EXOC6: variants seen among roughly 807,000 people sequenced by gnomAD.
The protein encoded by EXOC6 is SEC15-like 1.
EXOC6 carries 60 observed loss-of-function variants against 112.5 expected under a neutral mutation model. The observed-to-expected ratio is 0.53, with a 90% CI of 0.43 to 0.66. The LOEUF is 0.66. EXOC6 is among the 30% of genes least tolerant of loss of function. The pLI is 0.00. For synonymous variants in EXOC6, 295 were observed against 308.0 expected, an observed-to-expected ratio of 0.96 and a Z score of 0.44; for missense variants, 855 against 957.1, an observed-to-expected ratio of 0.89 and a Z score of 1.41.
Position 92,898,861 on chromosome 10 carries a change from A to G in EXOC6, c.413-738A>G, listed in dbSNP as rs565741757. 1.2e-4 allele frequency among the ~76,000 whole-genome samples: 18 copies of G among 152,296 alleles called. No homozygotes were observed. The South Asian group carries it at 3.7e-3, about 32-fold the overall frequency. ...ATCTGGAAAAAAATGTTGTCTGTCC[A>G]TATTGTAGAGGGAAAGCAAAGTGTG... On this transcript the variant is annotated intron_variant, in intron 4 of 21. Coordinates refer to ENST00000260762, the MANE Select transcript of EXOC6 (RefSeq NM_019053.6).
At chr10:92,834,774 T>C (rs760187813) in exon 1 of EXOC6, 8 of 1,610,630 alleles carry the variant, frequency 5.0e-6, no homozygotes, top group Non-Finnish European at 6.8e-6. Flanking sequence ...CCTATGAGAA[T>C]GTCCTGGCTG....
intron 4 of EXOC6, among the ~76,000 whole-genome samples, chr10:92,896,180 TA>T (rs1457872439): frequency 2.1e-3 from 25 of 12,050 alleles, no homozygotes; most frequent in African/African-American, 4.4e-3. Flanking sequence ...TATATATATA[TA>T]TTTTTTTTTT....
intron 1 of EXOC6, among the ~76,000 whole-genome samples, chr10:92,838,577 G>A (rs1846735200): frequency 6.6e-6 from 1 of 152,156 alleles, no homozygotes; most frequent in African/African-American, 2.4e-5. Context: ...AGGTTTATTT[G>A]CATTGCCAAT....
chr10:92,830,057 A>T (rs751021932), upstream of EXOC6, among the ~76,000 whole-genome samples: 4 of 152,218 alleles, frequency 2.6e-5, no homozygotes, highest in Non-Finnish European at 5.9e-5. Context: ...AAGAAGTAAC[A>T]ATAAGTATAA....
chr10:92,989,542 CA>C (rs1352067215), intron 18 of EXOC6, among the ~76,000 whole-genome samples: 1 of 152,150 alleles, frequency 6.6e-6, no homozygotes, highest in Non-Finnish European at 1.5e-5. Flanking sequence ...GTGATCAAAA[CA>C]AAAGACCCTT....
intron 21 of EXOC6, among the ~76,000 whole-genome samples, chr10:93,057,881 A>G (rs1216652364): frequency 6.6e-6 from 1 of 152,142 alleles, no homozygotes; most frequent in East Asian, 1.9e-4. Flanking sequence ...CTTTCACCTT[A>G]TCTTGCTATG....
intron 20 of EXOC6, among the ~76,000 whole-genome samples, chr10:93,038,065 A>AAAAAAT (rs1316311788): frequency 1.6e-4 from 20 of 126,104 alleles, no homozygotes; most frequent in Non-Finnish European, 1.8e-4. Flanking sequence ...AAAAAAAAAA[A>AAAAAAT]ATTTTTCTCT....
At chr10:93,047,676 G>A (rs1298735289) in intron 20 of EXOC6, among the ~76,000 whole-genome samples, 2 of 152,040 alleles carry the variant, frequency 1.3e-5, no homozygotes, top group African/African-American at 2.4e-5. Context: ...GGCCAGGCAC[G>A]GTGGCTCACG....
chr10:92,975,438 G>A (rs898161141), intron 18 of EXOC6, among the ~76,000 whole-genome samples: 3 of 150,394 alleles, frequency 2.0e-5, no homozygotes, highest in Non-Finnish European at 4.4e-5. Flanking sequence ...AGTGAGGAGC[G>A]TCTCCGCCCG....
At chr10:93,013,375 G>A (rs972605376) in intron 19 of EXOC6, among the ~76,000 whole-genome samples, 10 of 152,082 alleles carry the variant, frequency 6.6e-5, no homozygotes, top group Non-Finnish European at 2.9e-5. Flanking sequence ...GGAGGCCGAG[G>A]CAGGTGGATT....
chr10:92,885,258 A>G (rs555954061), intron 1 of EXOC6, among the ~76,000 whole-genome samples: 11 of 152,300 alleles, frequency 7.2e-5, no homozygotes, highest in African/African-American at 2.6e-4. Context: ...TTTTTTAGCT[A>G]TATTTTTGAG....
chr10:92,997,720 T>C (rs991939142), intron 19 of EXOC6, 105 bp downstream of exon 19: 7 of 1,000,790 alleles, frequency 7.0e-6, no homozygotes, highest in Non-Finnish European at 9.5e-6. Flanking sequence ...GGAGAAGGCC[T>C]GGTTCAGCTA....
chr10:92,868,419 A>G (rs948074550), intron 1 of EXOC6, among the ~76,000 whole-genome samples: 2 of 152,020 alleles, frequency 1.3e-5, no homozygotes, highest in Admixed American at 6.6e-5. Context: ...TTCATTGTCT[A>G]TATGTCTATT....
intron 8 of EXOC6, among the ~76,000 whole-genome samples, chr10:92,922,550 C>G (rs1851506156): frequency 6.6e-6 from 1 of 152,122 alleles, no homozygotes; most frequent in South Asian, 2.1e-4. Context: ...GCCAAAAAAG[C>G]TCTTTGTCCG....
chr10:93,050,750 ACTCCGT>A (rs1297562113), intron 20 of EXOC6, among the ~76,000 whole-genome samples: 1 of 142,002 alleles, frequency 7.0e-6, no homozygotes, highest in African/African-American at 2.9e-5. Context: ...ACAAAGCGAG[ACTCCGT>A]CTCAAAAAAA....
intron 18 of EXOC6, among the ~76,000 whole-genome samples, chr10:92,991,292 C>G (rs191423665): frequency 2.0e-5 from 3 of 151,658 alleles, no homozygotes; most frequent in Admixed American, 6.6e-5. Context: ...AAATATTAGC[C>G]GGGCATGGTC....
chr10:92,961,455 A>G (rs1327613659), intron 17 of EXOC6, among the ~76,000 whole-genome samples: 1 of 152,176 alleles, frequency 6.6e-6, no homozygotes, highest in Non-Finnish European at 1.5e-5. Context: ...TAAAATCCTA[A>G]AAGGTAAGTT....
chr10:93,042,897 A>C (rs188006419), intron 20 of EXOC6, among the ~76,000 whole-genome samples: 85 of 151,378 alleles, frequency 5.6e-4, no homozygotes, highest in Non-Finnish European at 9.9e-4. Flanking sequence ...AACATTCTGA[A>C]GCACCATAAT....
chr10:92,913,262 T>A (rs920786050), intron 6 of EXOC6, among the ~76,000 whole-genome samples: 5 of 152,198 alleles, frequency 3.3e-5, no homozygotes, highest in African/African-American at 9.7e-5. Flanking sequence ...AAGTCCTACT[T>A]AGTTACTATC....
Sources: gnomAD v4.1 joint callset for allele counts (sites outside exome capture counted in the v4.1 genomes callset) on GRCh38, gnomAD v4.1.1 for gene constraint, MANE v1.5 for transcripts, NCBI Gene and HGNC (gene_info 2026-07-23, HGNC 2026-07-21) for gene names.